ITFG1: variants seen among roughly 807,000 people sequenced by gnomAD.
ITFG1 encodes the protein T-cell immunomodulatory protein.
In ITFG1, 34 loss-of-function variants were observed where a neutral mutation model predicts 81.8. That is an observed-to-expected ratio of 0.42 (90% CI 0.32 to 0.55). ITFG1 has a LOEUF of 0.55. Ranked by LOEUF, ITFG1 falls within the 20% of genes least tolerant of loss-of-function variation. ITFG1 has a pLI of 0.17. For synonymous variants in ITFG1, 285 were observed against 270.6 expected (o/e 1.05, Z -0.52); for missense variants, 672 against 755.4 (o/e 0.89, Z 1.29).
intron 7 of ITFG1, among the ~76,000 whole-genome samples, chr16:47,366,364 T>C (rs180841238): frequency 4.6e-5 from 7 of 152,166 alleles, no homozygotes; most frequent in Non-Finnish European, 8.8e-5. Context: ...GAGAGGAGAA[T>C]TTCATTGATC....
chr16:47,188,516 A>G (rs1294800826), intron 14 of ITFG1, among the ~76,000 whole-genome samples: 1 of 150,418 alleles, frequency 6.6e-6, no homozygotes, highest in Admixed American at 6.6e-5. Flanking sequence ...TGCAAGAACA[A>G]AAAACCAAAC....
chr16:47,455,988 G>C (rs1042187586), intron 2 of ITFG1, among the ~76,000 whole-genome samples: 4 of 152,062 alleles, frequency 2.6e-5, no homozygotes, highest in Non-Finnish European at 5.9e-5. Flanking sequence ...TAATGTAAGA[G>C]TATTTCAAAA....
intron 8 of ITFG1, among the ~76,000 whole-genome samples, chr16:47,326,497 T>C (rs1161273445): frequency 1.3e-5 from 2 of 152,076 alleles, no homozygotes; most frequent in South Asian, 2.1e-4. Context: ...GAGAAGGAAA[T>C]AAAGGGCATT....
At chr16:47,329,074 T>C (rs1425564218) in intron 8 of ITFG1, among the ~76,000 whole-genome samples, 1 of 152,150 alleles carries the variant, frequency 6.6e-6, no homozygotes, top group African/African-American at 2.4e-5. Flanking sequence ...TCCTTCTTAT[T>C]ATGATTAGAA....
At chr16:47,351,135 C>T (rs1967947565) in intron 8 of ITFG1, among the ~76,000 whole-genome samples, 1 of 152,164 alleles carries the variant, frequency 6.6e-6, no homozygotes, top group Admixed American at 6.5e-5. Flanking sequence ...GAAGCATTCC[C>T]TTTGAAAACT....
rs545331581 is a variant in ITFG1 at position 47,339,367 on chromosome 16, C to T, written c.803-25544G>A. 1.6e-4 allele frequency among the ~76,000 whole-genome samples: 24 copies of T among 152,220 alleles called. No individual in the cohort carries two copies. The South Asian group carries it at 2.7e-3, about 17-fold the overall frequency. On this transcript the variant is annotated intron_variant, in intron 8 of 17. Transcript: ENST00000320640. ...TATATTTAGTTTCCTGAGGAACCTC[C>T]GAACTGTTCTCTATAATGACTGTAA...
At chr16:47,177,491 A>C (rs1033996329) in intron 14 of ITFG1, among the ~76,000 whole-genome samples, 2 of 152,192 alleles carry the variant, frequency 1.3e-5, no homozygotes, top group Non-Finnish European at 2.9e-5. Context: ...TATTTCCTTG[A>C]TATGTTTAAA....
At position 47,343,534 on chromosome 16, in the gene ITFG1, A is replaced by G. The variant is rs1041014260; in HGVS notation, c.802+22254T>C. ...AAAAAGACAAACCACCCAGTTAAAA[A>G]ATAGGTAAAGAACTTGAATTAACAA... On this transcript the variant is annotated intron_variant, in intron 8 of 17. Transcript: ENST00000320640. Among the ~76,000 whole-genome samples, 7 of 152,228 alleles carry G rather than the reference A, an allele frequency of 4.6e-5. No homozygotes were observed. In the East Asian group the frequency reaches 1.2e-3, roughly 25 times the overall value.
At chr16:47,376,247 A>G (rs557349683) in intron 6 of ITFG1, among the ~76,000 whole-genome samples, 2 of 152,226 alleles carry the variant, frequency 1.3e-5, no homozygotes, top group Admixed American at 6.5e-5. Context: ...AAAGTGTACT[A>G]TATTTTTTAA....
At chr16:47,210,996 G>A (rs2151524097) in intron 14 of ITFG1, among the ~76,000 whole-genome samples, 1 of 152,240 alleles carries the variant, frequency 6.6e-6, no homozygotes, top group Non-Finnish European at 1.5e-5. Flanking sequence ...TACTTTTGCA[G>A]TAACTTAATA....
At chr16:47,177,355 T>C (rs1965042785) in intron 14 of ITFG1, among the ~76,000 whole-genome samples, 1 of 152,202 alleles carries the variant, frequency 6.6e-6, no homozygotes, top group Non-Finnish European at 1.5e-5. Context: ...ATTTGTGTTA[T>C]TTAATGTGAT....
intron 6 of ITFG1, 51 bp downstream of exon 6, chr16:47,428,753 C>G (rs761250809): frequency 9.4e-7 from 1 of 1,069,208 alleles, no homozygotes; most frequent in Non-Finnish European, 1.4e-6. Context: ...TAAATAAAAT[C>G]CCATACTTCT....
intron 8 of ITFG1, among the ~76,000 whole-genome samples, chr16:47,330,174 A>G (rs1567462891): frequency 6.6e-6 from 1 of 152,136 alleles, no homozygotes; most frequent in Non-Finnish European, 1.5e-5. Context: ...GACAAAGTTG[A>G]GAAAAATGAG....
intron 13 of ITFG1, among the ~76,000 whole-genome samples, chr16:47,222,470 G>A (rs1200019308): frequency 2.0e-5 from 3 of 149,412 alleles, no homozygotes; most frequent in Non-Finnish European, 4.4e-5. Flanking sequence ...CCGGAGTGCA[G>A]TGGCGCGATC....
chr16:47,377,450 C>T (rs757230473), intron 6 of ITFG1, among the ~76,000 whole-genome samples: 2 of 152,132 alleles, frequency 1.3e-5, no homozygotes, highest in Non-Finnish European at 2.9e-5. Context: ...GTGAAGGCTA[C>T]CTTACCTACC....
intron 10 of ITFG1, among the ~76,000 whole-genome samples, chr16:47,279,502 G>A (rs1312012842): frequency 3.9e-5 from 6 of 152,060 alleles, no homozygotes; most frequent in Non-Finnish European, 7.4e-5. Flanking sequence ...TGTGTCTACT[G>A]CCTTGCCAAT....
chr16:47,347,691 G>C (rs1967878600), intron 8 of ITFG1, among the ~76,000 whole-genome samples: 1 of 152,228 alleles, frequency 6.6e-6, no homozygotes, highest in Non-Finnish European at 1.5e-5. Flanking sequence ...GCTTTGAAGA[G>C]AGTAGTGGTT....
intron 8 of ITFG1, among the ~76,000 whole-genome samples, chr16:47,355,153 T>G (rs905816842): frequency 2.0e-5 from 3 of 152,048 alleles, no homozygotes; most frequent in Non-Finnish European, 4.4e-5. Context: ...GTCCATCAAA[T>G]GTATGAATGG....
chr16:47,178,175 G>C (rs914276726), intron 14 of ITFG1, among the ~76,000 whole-genome samples: 1 of 152,160 alleles, frequency 6.6e-6, no homozygotes, highest in Non-Finnish European at 1.5e-5. Context: ...TTAAATGGAT[G>C]GTTACCCACA....
Sources: gnomAD v4.1 joint callset for allele counts (sites outside exome capture counted in the v4.1 genomes callset) on GRCh38, gnomAD v4.1.1 for gene constraint, MANE v1.5 for transcripts, NCBI Gene and HGNC (gene_info 2026-07-23, HGNC 2026-07-21) for gene names.